Variants in ABLIM2 observed in about 807,000 individuals in gnomAD.
The protein encoded by ABLIM2 is actin-binding LIM protein 2.
ABLIM2 carries 53 observed loss-of-function variants against 97.7 expected under a neutral mutation model. That is an observed-to-expected ratio of 0.54 (90% CI 0.44 to 0.68). The LOEUF is 0.68. Among genes scored for constraint, ABLIM2 ranks in the 30% least tolerant of loss-of-function variants. ABLIM2 has a pLI of 0.00. For missense variants in ABLIM2, 835 were observed against 867.2 expected (o/e 0.96, Z 0.47); for synonymous variants, 361 against 345.8 (o/e 1.04, Z -0.49).
intron 7 of ABLIM2, among the ~76,000 whole-genome samples, chr4:8,055,148 G>A (rs1162705883): frequency 6.6e-6 from 1 of 152,074 alleles, no homozygotes. Flanking sequence ...TAAAGTATCA[G>A]AAAAGTGCTT....
intron 10 of ABLIM2, among the ~76,000 whole-genome samples, chr4:8,034,268 T>C (rs1021518782): frequency 5.0e-5 from 7 of 138,984 alleles, no homozygotes; most frequent in Non-Finnish European, 9.4e-5. Context: ...GTGCAGTGGG[T>C]GGGTGCAGGT....
intron 3 of ABLIM2, among the ~76,000 whole-genome samples, chr4:8,096,551 G>A (rs1369416535): frequency 3.3e-5 from 5 of 152,224 alleles, no homozygotes; most frequent in Admixed American, 6.5e-5. Context: ...TCCGGCACAC[G>A]CTGTAACCAC....
intron 1 of ABLIM2, among the ~76,000 whole-genome samples, chr4:8,152,332 C>T (rs1049329215): frequency 3.3e-5 from 5 of 152,232 alleles, no homozygotes; most frequent in African/African-American, 7.2e-5. Flanking sequence ...TTACAAATCA[C>T]GTGACACCAG....
chr4:8,078,793 G>A (rs973896443), intron 5 of ABLIM2, among the ~76,000 whole-genome samples: 1 of 152,212 alleles, frequency 6.6e-6, no homozygotes, highest in African/African-American at 2.4e-5. Flanking sequence ...CACTCTCCAA[G>A]GTGGCTGAAG....
chr4:8,099,706 G>C (rs541544122), intron 2 of ABLIM2, among the ~76,000 whole-genome samples: 55 of 152,192 alleles, frequency 3.6e-4, no homozygotes, highest in African/African-American at 1.3e-3. Flanking sequence ...TTATCCGGGC[G>C]TGGTGGCGGG....
chr4:8,035,875 A>T (rs1331274626), intron 10 of ABLIM2, among the ~76,000 whole-genome samples: 1 of 152,188 alleles, frequency 6.6e-6, no homozygotes, highest in Non-Finnish European at 1.5e-5. Context: ...CTTTCCTACA[A>T]ACCAGCATGC....
chr4:8,071,102 A>G lies in ABLIM2; in HGVS notation c.675+6526T>C, dbSNP rs919285083. ...TCCTCCCTTTATGCAGCCCTGGTCTAGAGGCTGGTCACACCGCTGTCCCCG... is the reference window on the plus strand; with the variant it reads ...TCCTCCCTTTATGCAGCCCTGGTCTGGAGGCTGGTCACACCGCTGTCCCCG... On this transcript the variant is annotated intron_variant, in intron 6 of 20. Transcript: ENST00000447017. The surrounding 1 kb of genome is among the most constrained non-coding windows in gnomAD (Gnocchi z 6.2). Among the ~76,000 whole-genome samples, 45 of 152,148 alleles carry G rather than the reference A, an allele frequency of 3.0e-4. 1 individual carries two copies. Among genetic ancestry groups the G allele is most frequent in the Non-Finnish European group, 1.5e-5 (1 of 67,996 alleles).
Position 8,071,855 on chromosome 4 carries a change from A to T in ABLIM2, c.675+5773T>A. On this transcript the variant is annotated intron_variant, in intron 6 of 20. Transcript: ENST00000447017. The surrounding 1 kb of genome is among the most constrained non-coding windows in gnomAD (Gnocchi z 6.2). Reference sequence around the variant, plus strand: ...GGAACGTGTGCCTGCGAGGGTGGACACCCTCACCTTCAGCCAACAGTCTGT... The same window carrying T: ...GGAACGTGTGCCTGCGAGGGTGGACTCCCTCACCTTCAGCCAACAGTCTGT... 3 of 985,196 alleles carry T rather than the reference A, an allele frequency of 3.0e-6. No individual in the cohort carries two copies. Among genetic ancestry groups the T allele is most frequent in the Non-Finnish European group, 3.6e-6 (3 of 829,880 alleles). 61.0% of individuals were successfully genotyped at this position (985,196 alleles called of 1,614,324 possible). A position where few individuals can be genotyped will look rare whatever the true frequency, so the allele number is the denominator to read the frequency against.
intron 1 of ABLIM2, among the ~76,000 whole-genome samples, chr4:8,151,223 T>C (rs1712621459): frequency 6.6e-6 from 1 of 152,060 alleles, no homozygotes; most frequent in Non-Finnish European, 1.5e-5. Context: ...CCCCTCACAT[T>C]TGGAAATGTT....
chr4:8,013,219 CTTTTTTTT>C (rs60424207), intron 14 of ABLIM2, among the ~76,000 whole-genome samples: 2 of 110,596 alleles, frequency 1.8e-5, no homozygotes, highest in African/African-American at 3.6e-5. Flanking sequence ...AACATTTTTC[CTTTTTTTT>C]TTTTTTTTTT....
rs1262633081 is a variant in ABLIM2, at chr4:8,022,086, C to T, written c.1268-1783G>A. ...ATCCCTCCTACCGACTACGGCTGTG[C>T]TGGACCCATCCCCACTGGCAGCAAA... is the stretch of plus-strand genomic sequence containing the variant. On this transcript the variant is annotated intron_variant, in intron 12 of 20. Coordinates refer to ENST00000447017, the MANE Select transcript of ABLIM2 (RefSeq NM_001130083.2). The surrounding 1 kb of genome is among the most constrained non-coding windows in gnomAD (Gnocchi z 7.8). Among the ~76,000 whole-genome samples, 1 of 152,238 alleles carries T rather than the reference C, an allele frequency of 6.6e-6. No homozygotes were observed. The highest frequency in any genetic ancestry group is 1.5e-5 in the Non-Finnish European group (1 of 68,044).
intron 14 of ABLIM2, among the ~76,000 whole-genome samples, chr4:8,012,666 T>A (rs1296199533): frequency 6.6e-6 from 1 of 151,804 alleles, no homozygotes; most frequent in Non-Finnish European, 1.5e-5. Flanking sequence ...CATCCATCTA[T>A]CCATCCACTT....
In ABLIM2 at chr4:8,085,208, C is replaced by A. The variant is rs1822625164; in HGVS notation, c.454+2961G>T. 6.6e-6 allele frequency among the ~76,000 whole-genome samples: 1 copy of A among 152,098 alleles called. No homozygotes were observed. The highest frequency in any genetic ancestry group is 2.1e-4 in the South Asian group (1 of 4,832). On this transcript the variant is annotated intron_variant, in intron 4 of 20. Transcript: ENST00000447017. This position sits in a 1 kb window ranked among gnomAD's most constrained non-coding sequence, Gnocchi z 6.1. Reference sequence around the variant, plus strand: ...TCAAGAGCCAGCCACTCTCCCCTCCCCAGGGAGGGGCAGCCACACAGGCAG... The same window carrying A: ...TCAAGAGCCAGCCACTCTCCCCTCCACAGGGAGGGGCAGCCACACAGGCAG...
chr4:8,141,695 G>A (rs1851010531), intron 1 of ABLIM2, among the ~76,000 whole-genome samples: 1 of 152,206 alleles, frequency 6.6e-6, no homozygotes, highest in Non-Finnish European at 1.5e-5. Context: ...GTATCAGCCA[G>A]TTATGCTTGA....
chr4:8,005,235 C>G lies in ABLIM2; in HGVS notation c.1618+2824G>C. 2.0e-6 allele frequency: 1 copy of G among 498,536 alleles called. No individual in the cohort carries two copies. Among genetic ancestry groups the G allele is most frequent in the South Asian group, 1.5e-5 (1 of 67,866 alleles). 30.9% of individuals were successfully genotyped at this position (498,536 alleles called of 1,614,324 possible). A position where few individuals can be genotyped will look rare whatever the true frequency, so the allele number is the denominator to read the frequency against. ...TCTCTGCCTCTCTCAGCTCCCTGCA[C>G]GCTTCTCCAGGTCAGGGGCTGCTCT... On this transcript the variant is annotated intron_variant, in intron 16 of 20. Coordinates refer to ENST00000447017, the MANE Select transcript of ABLIM2 (RefSeq NM_001130083.2). The surrounding 1 kb of genome is among the most constrained non-coding windows in gnomAD (Gnocchi z 4.9).
At chr4:7,984,040 C>G (rs1023202900) in intron 18 of ABLIM2, among the ~76,000 whole-genome samples, 2 of 152,242 alleles carry the variant, frequency 1.3e-5, no homozygotes, top group Admixed American at 1.3e-4. Context: ...CCCCTAATGT[C>G]TTACTTCCAG....
In ABLIM2 at chr4:8,005,492, T is replaced by C. The variant is rs576942793; in HGVS notation, c.1618+2567A>G. On this transcript the variant is annotated intron_variant, in intron 16 of 20. Coordinates refer to ENST00000447017, the MANE Select transcript of ABLIM2 (RefSeq NM_001130083.2). The surrounding 1 kb of genome is among the most constrained non-coding windows in gnomAD (Gnocchi z 4.9). ...TTGTTCAGTAAAAGCTGTGTGCAAA[T>C]GGAACTGGTGCCCACGGACTCAGGT... The C allele has an allele frequency of 5.0e-5, 26 of 522,936 alleles. No individual in the cohort carries two copies. Among genetic ancestry groups the C allele is most frequent in the Admixed American group, 4.7e-4 (24 of 51,538 alleles). 32.4% of individuals were successfully genotyped at this position (522,936 alleles called of 1,614,324 possible).
chr4:8,090,577 T>G (rs368957929), intron 3 of ABLIM2, among the ~76,000 whole-genome samples: 95 of 152,282 alleles, frequency 6.2e-4, no homozygotes, highest in African/African-American at 1.6e-3. Context: ...TTCTTTCCAC[T>G]GCAAAAAGCC....
chr4:8,036,002 A>T, intron 10 of ABLIM2, 147 bp downstream of exon 10: 1 of 994,394 alleles, frequency 1.0e-6, no homozygotes, highest in Non-Finnish European at 1.4e-6. Context: ...TGGCTATCTG[A>T]TGGGCGTGAA....
Sources: gnomAD v4.1 joint callset for allele counts (sites outside exome capture counted in the v4.1 genomes callset) on GRCh38, gnomAD v4.1.1 for gene constraint, Gnocchi (gnomAD v3.1) non-coding constraint, MANE v1.5 for transcripts, NCBI Gene and HGNC (gene_info 2026-07-23, HGNC 2026-07-21) for gene names.